The following OR9Q1 variants were observed in gnomAD, a reference collection of about 807,000 sequenced individuals.
OR9Q1 encodes the protein olfactory receptor 9Q1.
For missense variants in OR9Q1, 374 were observed against 378.8 expected (o/e 0.99, Z 0.11); for synonymous variants, 153 against 148.6 (o/e 1.03, Z -0.22).
chr11:58,059,755 A>C, intron 2 of OR9Q1, among the ~76,000 whole-genome samples: 1 of 151,766 alleles, frequency 6.6e-6, no homozygotes, highest in South Asian at 2.1e-4. Flanking sequence ...AACTAAATAA[A>C]AATCTCTATT....
At chr11:58,139,755 T>C (rs1394501604) in intron 2 of OR9Q1, among the ~76,000 whole-genome samples, 1 of 152,178 alleles carries the variant, frequency 6.6e-6, no homozygotes, top group Non-Finnish European at 1.5e-5. Flanking sequence ...CGTGTGCATG[T>C]GTCTTTATAG....
intron 2 of OR9Q1, among the ~76,000 whole-genome samples, chr11:58,121,633 A>G (rs1398948409): frequency 9.9e-5 from 15 of 152,164 alleles, no homozygotes; most frequent in Non-Finnish European, 2.9e-5. Context: ...CAACTTCCTC[A>G]GGTTGGAATC....
chr11:58,146,636 G>A (rs1388976301), intron 2 of OR9Q1, among the ~76,000 whole-genome samples: 1 of 152,150 alleles, frequency 6.6e-6, no homozygotes, highest in Non-Finnish European at 1.5e-5. Flanking sequence ...AAAAGAAGCA[G>A]CACAGGGTGT....
At chr11:58,080,059 T>C (rs1038678715) in intron 2 of OR9Q1, among the ~76,000 whole-genome samples, 1 of 152,178 alleles carries the variant, frequency 6.6e-6, no homozygotes, top group African/African-American at 2.4e-5. Context: ...CGGGGGTACA[T>C]GTGCAGGCTT....
intron 1 of OR9Q1, among the ~76,000 whole-genome samples, chr11:58,043,262 A>G (rs1853184227): frequency 6.6e-6 from 1 of 152,188 alleles, no homozygotes; most frequent in Non-Finnish European, 1.5e-5. Context: ...TTTCTCTTCA[A>G]AAGGGCAAAA....
intron 2 of OR9Q1, among the ~76,000 whole-genome samples, chr11:58,155,081 C>T (rs1332801342): frequency 6.6e-6 from 1 of 152,140 alleles, no homozygotes; most frequent in Non-Finnish European, 1.5e-5. Context: ...GAGAATTTGG[C>T]TCATATGATT....
chr11:58,081,793 CT>C (rs201892501), intron 2 of OR9Q1, among the ~76,000 whole-genome samples: 9,926 of 128,136 alleles, frequency 0.077, 397 homozygotes, highest in African/African-American at 0.16. Context: ...ATGATAGTTT[CT>C]TTTTTTTTTT....
At chr11:58,114,900 C>A (rs1236776233) in intron 2 of OR9Q1, among the ~76,000 whole-genome samples, 1 of 152,106 alleles carries the variant, frequency 6.6e-6, no homozygotes, top group Non-Finnish European at 1.5e-5. Context: ...GGACTTCCGG[C>A]TGCAATGGGT....
intron 2 of OR9Q1, among the ~76,000 whole-genome samples, chr11:58,175,041 G>T (rs1160084690): frequency 6.8e-6 from 1 of 147,848 alleles, no homozygotes; most frequent in Non-Finnish European, 1.5e-5. Flanking sequence ...GGGAGGCAGA[G>T]GTTGCAGTGA....
rs1854666926 is a variant in OR9Q1, at chr11:58,181,579, A to G, written c.*1202A>G. The G allele has an allele frequency of 6.2e-6, 1 of 161,708 alleles. No homozygotes were observed. The highest frequency in any genetic ancestry group is 2.4e-5 in the African/African-American group (1 of 41,512). The allele number at this position is 161,708 out of a possible 1,614,324, so 10.0% of individuals were successfully genotyped here. A position where few individuals can be genotyped will look rare whatever the true frequency, so the allele number is the denominator to read the frequency against. On this transcript the variant is annotated 3_prime_UTR_variant, in exon 3 of 3. Coordinates refer to ENST00000335397, the MANE Select transcript of OR9Q1 (RefSeq NM_001005212.4). ...CCTGGATTACTAAAAAAAAAAAAAAAAAAAAAAATCCAAAACCAAAACAAC... is the reference window on the plus strand; with the variant it reads ...CCTGGATTACTAAAAAAAAAAAAAAGAAAAAAAATCCAAAACCAAAACAAC...
chr11:58,039,737 G>A (rs942899784), intron 1 of OR9Q1, among the ~76,000 whole-genome samples: 2 of 152,186 alleles, frequency 1.3e-5, no homozygotes, highest in African/African-American at 4.8e-5. Flanking sequence ...ACTCAGGTTA[G>A]GTTGGTGATG....
intron 2 of OR9Q1, among the ~76,000 whole-genome samples, chr11:58,113,421 G>A (rs1853921053): frequency 6.6e-6 from 1 of 152,110 alleles, no homozygotes; most frequent in Non-Finnish European, 1.5e-5. Context: ...GGACCATGGG[G>A]GTGGGAGGAC....
At chr11:58,107,561 G>A (rs1044507210) in intron 2 of OR9Q1, among the ~76,000 whole-genome samples, 17 of 152,178 alleles carry the variant, frequency 1.1e-4, no homozygotes, top group African/African-American at 2.4e-4. Flanking sequence ...GAATAGTGCC[G>A]TAATAAACTT....
intron 2 of OR9Q1, among the ~76,000 whole-genome samples, chr11:58,125,804 G>C (rs1356396387): frequency 6.6e-6 from 1 of 152,148 alleles, no homozygotes; most frequent in Admixed American, 6.5e-5. Context: ...AAACTCGTAA[G>C]CCTTGTTTGT....
At position 58,066,436 on chromosome 11, in the gene OR9Q1, T is replaced by C. The variant is rs1853430222; in HGVS notation, c.-15+10489T>C. On this transcript the variant is annotated intron_variant, in intron 2 of 2. Coordinates refer to ENST00000335397, the MANE Select transcript of OR9Q1 (RefSeq NM_001005212.4). Reference sequence around the variant, plus strand: ...TTGTTGTCAGAGCGTCTGTGCCTGCTTCGTTTGCGAGGATCTAGGCACACC... The same window carrying C: ...TTGTTGTCAGAGCGTCTGTGCCTGCCTCGTTTGCGAGGATCTAGGCACACC... Among the ~76,000 whole-genome samples, 8 of 152,178 alleles carry C rather than the reference T, an allele frequency of 5.3e-5. No homozygotes were observed. The South Asian group carries it at 1.7e-3, about 32-fold the overall frequency.
intron 1 of OR9Q1, chr11:58,031,696 C>T (rs1159335955): frequency 1.2e-6 from 2 of 1,613,864 alleles, no homozygotes; most frequent in African/African-American, 2.7e-5. Flanking sequence ...GTGCAGCTCA[C>T]CTGACTGTGG....
intron 2 of OR9Q1, among the ~76,000 whole-genome samples, chr11:58,100,976 A>C (rs1853777975): frequency 6.6e-6 from 1 of 152,070 alleles, no homozygotes; most frequent in Non-Finnish European, 1.5e-5. Context: ...GGTATCATGG[A>C]GGTAGTGAGT....
intron 2 of OR9Q1, among the ~76,000 whole-genome samples, chr11:58,162,272 T>C (rs1310288633): frequency 6.6e-6 from 1 of 152,234 alleles, no homozygotes; most frequent in Non-Finnish European, 1.5e-5. Flanking sequence ...TTTCATCTTT[T>C]GGAAATGTTA....
At chr11:58,028,081 A>C (rs1471577013) in intron 1 of OR9Q1, among the ~76,000 whole-genome samples, 1 of 151,874 alleles carries the variant, frequency 6.6e-6, no homozygotes, top group Non-Finnish European at 1.5e-5. Flanking sequence ...TGGTGGGAGA[A>C]TCTGCTCTGT....
Sources: gnomAD v4.1 joint callset for allele counts (sites outside exome capture counted in the v4.1 genomes callset) on GRCh38, gnomAD v4.1.1 for gene constraint, MANE v1.5 for transcripts, NCBI Gene and HGNC (gene_info 2026-07-23, HGNC 2026-07-21) for gene names.